Variants in FBXL7 observed in about 807,000 individuals in gnomAD.
FBXL7 encodes the protein F-box and leucine rich repeat protein 7.
A neutral mutation model predicts 38.3 loss-of-function variants in FBXL7; 12 were observed. The ratio of observed to expected loss-of-function variants is 0.31; its 90% CI spans 0.20 to 0.51. The LOEUF is 0.51. Ranked by LOEUF, FBXL7 falls within the 20% of genes least tolerant of loss-of-function variation. The pLI is 0.98. For synonymous variants in FBXL7, 297 were observed against 300.9 expected, an observed-to-expected ratio of 0.99 and a Z score of 0.13; for missense variants, 567 against 676.4, an observed-to-expected ratio of 0.84 and a Z score of 1.79.
At position 15,536,029 on chromosome 5, in the gene FBXL7, C is replaced by G. The variant is rs567909865; in HGVS notation, c.37+35316C>G. ...GACTGAGCATCTTACCTCCCACCTGCTCCAGCTCAGGCTGTGGCTTCAGAG... is the reference window on the plus strand; with the variant it reads ...GACTGAGCATCTTACCTCCCACCTGGTCCAGCTCAGGCTGTGGCTTCAGAG... On this transcript the variant is annotated intron_variant, in intron 1 of 3. Transcript: ENST00000504595. Among the ~76,000 whole-genome samples the G allele has an allele frequency of 1.3e-3, 192 of 152,356 alleles. 1 individual carries two copies. Among genetic ancestry groups the G allele is most frequent in the Non-Finnish European group, 3.2e-4 (22 of 68,032 alleles).
intron 2 of FBXL7, among the ~76,000 whole-genome samples, chr5:15,624,039 A>G (rs1740731027): frequency 6.6e-6 from 1 of 152,222 alleles, no homozygotes; most frequent in Non-Finnish European, 1.5e-5. Flanking sequence ...CTAAGTTCCT[A>G]TCAAAGTATA....
At chr5:15,645,997 A>G (rs965154310) in intron 2 of FBXL7, among the ~76,000 whole-genome samples, 9 of 152,180 alleles carry the variant, frequency 5.9e-5, no homozygotes, top group African/African-American at 1.9e-4. Context: ...ATTGAGGTTT[A>G]ATGTGGGTGG....
chr5:15,502,971 C>G (rs1336178378), intron 1 of FBXL7, among the ~76,000 whole-genome samples: 2 of 152,096 alleles, frequency 1.3e-5, no homozygotes, highest in Non-Finnish European at 2.9e-5. Flanking sequence ...AGGAAATTAT[C>G]CATGAGTGCA....
chr5:15,644,781 T>C (rs1398685920), intron 2 of FBXL7, among the ~76,000 whole-genome samples: 1 of 152,106 alleles, frequency 6.6e-6, no homozygotes, highest in Non-Finnish European at 1.5e-5. Context: ...AGTGTATGCA[T>C]GAGAAAGTAA....
At chr5:15,632,290 A>AT (rs887902675) in intron 2 of FBXL7, among the ~76,000 whole-genome samples, 3 of 151,978 alleles carry the variant, frequency 2.0e-5, no homozygotes, top group Non-Finnish European at 2.9e-5. Context: ...AGAAAATTTT[A>AT]TTTTTTTTAT....
At chr5:15,535,601 T>G (rs1270662271) in intron 1 of FBXL7, among the ~76,000 whole-genome samples, 1 of 152,142 alleles carries the variant, frequency 6.6e-6, no homozygotes, top group Non-Finnish European at 1.5e-5. Flanking sequence ...GGGCATCTGG[T>G]GGAGGAAATT....
intron 1 of FBXL7, among the ~76,000 whole-genome samples, chr5:15,608,237 T>G (rs913949976): frequency 1.3e-5 from 2 of 152,236 alleles, no homozygotes; most frequent in Non-Finnish European, 2.9e-5. Flanking sequence ...CATGGTTTCA[T>G]GCTTTACCTG....
intron 1 of FBXL7, among the ~76,000 whole-genome samples, chr5:15,515,591 G>C (rs1486199245): frequency 6.6e-6 from 1 of 152,132 alleles, no homozygotes; most frequent in African/African-American, 2.4e-5. Flanking sequence ...AATAGTTGGT[G>C]AGTATTCAGT....
intron 1 of FBXL7, among the ~76,000 whole-genome samples, chr5:15,592,824 T>TA (rs1240217507): frequency 6.6e-6 from 1 of 152,216 alleles, no homozygotes; most frequent in Non-Finnish European, 1.5e-5. Context: ...TTGAAGTGTA[T>TA]AATGGATAGT....
At position 15,514,290 on chromosome 5, in the gene FBXL7, AC is replaced by A. The variant is rs373801218; in HGVS notation, c.37+13578del. On this transcript the variant is annotated intron_variant, in intron 1 of 3. Coordinates refer to ENST00000504595, the MANE Select transcript of FBXL7 (RefSeq NM_012304.5). Reference sequence around the variant, plus strand: ...TTAATCTTGGGATAGCTGTGTGTTCACTGTAGTGTGTAGATTTAAATTTTGC... The same window carrying A: ...TTAATCTTGGGATAGCTGTGTGTTCATGTAGTGTGTAGATTTAAATTTTGC... 7.8e-4 allele frequency among the ~76,000 whole-genome samples: 119 copies of A among 152,306 alleles called. 1 individual carries two copies. The highest frequency in any genetic ancestry group is 2.7e-3 in the African/African-American group (114 of 41,562).
In FBXL7 at chr5:15,890,655, C is replaced by T. The variant is rs143070035; in HGVS notation, c.128-37235C>T. Among the ~76,000 whole-genome samples, 1,100 of 152,256 alleles carry T rather than the reference C, an allele frequency of 7.2e-3. 10 individuals are homozygous for T. The highest frequency in any genetic ancestry group is 0.024 in the African/African-American group (1,007 of 41,558). On this transcript the variant is annotated intron_variant, in intron 2 of 3. Coordinates refer to ENST00000504595, the MANE Select transcript of FBXL7 (RefSeq NM_012304.5). Reference sequence around the variant, plus strand: ...CTGATGATCTGAGATGGAAAAGTTTCATCCTGAAACCATCCTCTGCCCCTC... The same window carrying T: ...CTGATGATCTGAGATGGAAAAGTTTTATCCTGAAACCATCCTCTGCCCCTC...
chr5:15,934,780 C>T (rs1225450315), intron 3 of FBXL7, among the ~76,000 whole-genome samples: 1 of 152,092 alleles, frequency 6.6e-6, no homozygotes, highest in Non-Finnish European at 1.5e-5. Context: ...GACTCTTTTC[C>T]CTCTATAAAC....
chr5:15,829,727 C>T (rs2126772325), intron 2 of FBXL7, among the ~76,000 whole-genome samples: 1 of 152,236 alleles, frequency 6.6e-6, no homozygotes, highest in Non-Finnish European at 1.5e-5. Context: ...AAAAGTGCTC[C>T]TGAAAGTAAA....
At chr5:15,653,263 T>G (rs1029911517) in intron 2 of FBXL7, among the ~76,000 whole-genome samples, 6 of 152,196 alleles carry the variant, frequency 3.9e-5, no homozygotes, top group Non-Finnish European at 7.3e-5. Flanking sequence ...ATGGTGCCAG[T>G]AGACTTGCTA....
At chr5:15,762,740 A>G (rs900620549) in intron 2 of FBXL7, among the ~76,000 whole-genome samples, 1 of 152,238 alleles carries the variant, frequency 6.6e-6, no homozygotes, top group African/African-American at 2.4e-5. Context: ...GTTTTTCAGA[A>G]TGCTGAAAGG....
intron 1 of FBXL7, among the ~76,000 whole-genome samples, chr5:15,525,199 C>T (rs1470584778): frequency 6.6e-6 from 1 of 152,124 alleles, no homozygotes; most frequent in African/African-American, 2.4e-5. Flanking sequence ...GTTCCTGGCA[C>T]CTCCTAAGTT....
At chr5:15,675,826 A>C (rs1579368914) in intron 2 of FBXL7, among the ~76,000 whole-genome samples, 1 of 152,340 alleles carries the variant, frequency 6.6e-6, no homozygotes, top group East Asian at 1.9e-4. Context: ...TTCGACACCG[A>C]AGAGAAGGAC....
At chr5:15,886,119 A>C (rs1298977492) in intron 2 of FBXL7, among the ~76,000 whole-genome samples, 1 of 152,184 alleles carries the variant, frequency 6.6e-6, no homozygotes, top group African/African-American at 2.4e-5. Context: ...CAACTGAGGC[A>C]CAAAGCTGGA....
At chr5:15,704,454 T>C (rs1743621435) in intron 2 of FBXL7, among the ~76,000 whole-genome samples, 1 of 152,192 alleles carries the variant, frequency 6.6e-6, no homozygotes, top group African/African-American at 2.4e-5. Flanking sequence ...TTCTCTTCTA[T>C]GATTATTCAG....
Sources: gnomAD v4.1 joint callset for allele counts (sites outside exome capture counted in the v4.1 genomes callset) on GRCh38, gnomAD v4.1.1 for gene constraint, MANE v1.5 for transcripts, NCBI Gene and HGNC (gene_info 2026-07-23, HGNC 2026-07-21) for gene names.